Variants in DAB1 observed in about 807,000 individuals in gnomAD.
The protein encoded by DAB1 is DAB adaptor protein 1.
In DAB1, 15 loss-of-function variants were observed where a neutral mutation model predicts 64.6. The observed-to-expected ratio is 0.23, with a 90% confidence interval of 0.16 to 0.36. DAB1 has a LOEUF of 0.36. DAB1 is among the 10% of genes least tolerant of loss of function. The pLI, the probability that DAB1 is intolerant of heterozygous loss-of-function variation, is 1.00. For synonymous variants in DAB1, 235 were observed against 251.9 expected (o/e 0.93, Z 0.64); for missense variants, 596 against 706.7 (o/e 0.84, Z 1.78).
intron 2 of DAB1, among the ~76,000 whole-genome samples, chr1:57,186,361 G>C (rs1663562642): frequency 6.6e-6 from 1 of 152,172 alleles, no homozygotes; most frequent in Admixed American, 6.5e-5. Context: ...CAATCGATCA[G>C]TGTGAGGTGT....
intron 4 of DAB1, among the ~76,000 whole-genome samples, chr1:57,115,407 G>T (rs941480081): frequency 6.6e-6 from 1 of 152,142 alleles, no homozygotes; most frequent in African/African-American, 2.4e-5. Flanking sequence ...TTCATCACAG[G>T]ACAGAGTGAG....
intron 3 of DAB1, among the ~76,000 whole-genome samples, chr1:58,445,478 C>T (rs760990948): frequency 4.6e-5 from 7 of 152,322 alleles, no homozygotes; most frequent in Non-Finnish European, 8.8e-5. Context: ...CAGGAAGCTG[C>T]TTCTTGGGCT....
intron 3 of DAB1, among the ~76,000 whole-genome samples, chr1:58,485,093 T>C (rs980557384): frequency 2.6e-5 from 4 of 152,058 alleles, no homozygotes; most frequent in Admixed American, 1.3e-4. Context: ...TAACTAATAT[T>C]ATCACTCTGG....
intron 3 of DAB1, among the ~76,000 whole-genome samples, chr1:58,377,490 G>C (rs1644339887): frequency 7.3e-6 from 1 of 137,158 alleles, no homozygotes; most frequent in African/African-American, 2.7e-5. Context: ...TTTTCTTTAA[G>C]AATGTTGAAT....
At chr1:58,402,466 G>T (rs1158730471) in intron 3 of DAB1, among the ~76,000 whole-genome samples, 3 of 152,188 alleles carry the variant, frequency 2.0e-5, no homozygotes, top group African/African-American at 7.2e-5. Flanking sequence ...CTCTGCAATG[G>T]AAGAGAAAGA....
chr1:57,307,268 G>A (rs1274264072), intron 1 of DAB1: 1 of 152,130 alleles, frequency 6.6e-6, no homozygotes, highest in African/African-American at 2.4e-5. Context: ...AGCTAAATAG[G>A]ACTGGACTCC....
intron 5 of DAB1, among the ~76,000 whole-genome samples, chr1:57,924,694 C>G (rs1320125509): frequency 6.7e-6 from 1 of 149,446 alleles, no homozygotes; most frequent in Admixed American, 6.7e-5. Context: ...ATTTCAAACT[C>G]CTGACCTCAA....
At chr1:57,292,589 G>A (rs1389071665) in intron 1 of DAB1, among the ~76,000 whole-genome samples, 2 of 152,058 alleles carry the variant, frequency 1.3e-5, no homozygotes, top group Non-Finnish European at 2.9e-5. Context: ...ATGGGAGATG[G>A]CAGAGTCACA....
chr1:57,350,332 T>C (rs1377567443), intron 1 of DAB1, among the ~76,000 whole-genome samples: 2 of 152,186 alleles, frequency 1.3e-5, no homozygotes, highest in Non-Finnish European at 2.9e-5. Flanking sequence ...AACACATACC[T>C]GTTTGACTCC....
chr1:58,539,204 A>T, intron 1 of DAB1: 1 of 872,906 alleles, frequency 1.1e-6, no homozygotes, highest in South Asian at 1.3e-5. Flanking sequence ...GTGGATGCTA[A>T]TGTGTTACAT....
intron 9 of DAB1, among the ~76,000 whole-genome samples, chr1:57,029,064 C>T (rs527500578): frequency 1.3e-5 from 2 of 152,324 alleles, no homozygotes; most frequent in Admixed American, 1.3e-4. Context: ...CTTCCCATCA[C>T]AGGCCTGGAG....
intron 7 of DAB1, among the ~76,000 whole-genome samples, chr1:57,515,971 AGC>A (rs1644459570): frequency 6.6e-6 from 1 of 152,244 alleles, no homozygotes; most frequent in Non-Finnish European, 1.5e-5. Context: ...GAGCAAGACA[AGC>A]CAAGGCCTGT....
intron 2 of DAB1, among the ~76,000 whole-genome samples, chr1:57,216,416 C>T (rs774637048): frequency 1.1e-4 from 16 of 151,972 alleles, no homozygotes; most frequent in Non-Finnish European, 2.2e-4. Context: ...TGGCATTATC[C>T]CAGGTCCTAT....
At chr1:58,322,804 C>G (rs7516750) in intron 4 of DAB1, among the ~76,000 whole-genome samples, 11,274 of 152,074 alleles carry the variant, frequency 0.074, 979 homozygotes, top group East Asian at 0.23. Context: ...TGTTTATTGC[C>G]GCACTATTCA....
At chr1:57,156,201 G>C (rs1660208496) in intron 2 of DAB1, among the ~76,000 whole-genome samples, 1 of 152,086 alleles carries the variant, frequency 6.6e-6, no homozygotes, top group African/African-American at 2.4e-5. Flanking sequence ...TCCACACCAA[G>C]TGTCATCTCA....
At chr1:57,975,925 C>T (rs2100323962) in intron 5 of DAB1, among the ~76,000 whole-genome samples, 1 of 152,306 alleles carries the variant, frequency 6.6e-6, no homozygotes, top group African/African-American at 2.4e-5. Flanking sequence ...TCATCCTTAC[C>T]TACTAAGGGC....
At chr1:58,340,799 C>A (rs1262061427) in intron 4 of DAB1, among the ~76,000 whole-genome samples, 1 of 152,168 alleles carries the variant, frequency 6.6e-6, no homozygotes, top group African/African-American at 2.4e-5. Flanking sequence ...GTCACTTTAT[C>A]CCAAGGCTTA....
At chr1:57,853,453 A>G (rs1273106828) in intron 1 of DAB1, among the ~76,000 whole-genome samples, 1 of 152,224 alleles carries the variant, frequency 6.6e-6, no homozygotes, top group African/African-American at 2.4e-5. Flanking sequence ...CCTTCAGTAT[A>G]AATCTACATT....
rs71051225 is a variant in DAB1 at position 57,238,893 on chromosome 1, ACC to A, written c.67+52069_67+52070del. 1.1e-3 allele frequency among the ~76,000 whole-genome samples: 157 copies of A among 147,990 alleles called. 2 individuals carry two copies. The South Asian group carries it at 0.017, about 16-fold the overall frequency. On this transcript the variant is annotated intron_variant, in intron 2 of 14. Transcript: ENST00000371236. ...CACACACACACACACACACACACACACCCCTAACTTGAAATGGTTTTCTTAGC... is the reference window on the plus strand; with the variant it reads ...CACACACACACACACACACACACACACCTAACTTGAAATGGTTTTCTTAGC...
Sources: gnomAD v4.1 joint callset for allele counts (sites outside exome capture counted in the v4.1 genomes callset) on GRCh38, gnomAD v4.1.1 for gene constraint, MANE v1.5 for transcripts, NCBI Gene and HGNC (gene_info 2026-07-23, HGNC 2026-07-21) for gene names.